Variants in HEMK2 observed in about 807,000 individuals in gnomAD.
HEMK2 encodes HemK methyltransferase 2, ETF1 glutamine and histone H4 lysine, also known as methyltransferase HEMK2.
At chr21:28,684,636 G>A in the HEMK2 span, among the ~76,000 whole-genome samples, 2 of 152,180 alleles carry the variant, frequency 1.3e-5, no homozygotes, top group African/African-American at 2.4e-5. Flanking sequence ...CATCATTTGA[G>A]ATTACGGCAT....
At chr21:28,626,280 A>T in the HEMK2 span, among the ~76,000 whole-genome samples, 1 of 152,214 alleles carries the variant, frequency 6.6e-6, no homozygotes, top group Non-Finnish European at 1.5e-5. Context: ...TGTAAGTGTT[A>T]ACTAGGAACT....
the HEMK2 span, among the ~76,000 whole-genome samples, chr21:28,608,613 G>A: frequency 6.6e-6 from 1 of 152,186 alleles, no homozygotes; most frequent in Non-Finnish European, 1.5e-5. Flanking sequence ...CTGAGGAACT[G>A]TGAGTTGGCT....
chr21:28,820,225 G>A, the HEMK2 span, among the ~76,000 whole-genome samples: 1 of 152,100 alleles, frequency 6.6e-6, no homozygotes. Context: ...AAAGACCAGA[G>A]AGACCCATAA....
the HEMK2 span, among the ~76,000 whole-genome samples, chr21:28,684,346 C>G: frequency 6.6e-6 from 1 of 152,206 alleles, no homozygotes; most frequent in Non-Finnish European, 1.5e-5. Flanking sequence ...TTTCACTGGA[C>G]CAATTCATCC....
chr21:28,828,035 T>A, the HEMK2 span, among the ~76,000 whole-genome samples: 1 of 152,216 alleles, frequency 6.6e-6, no homozygotes, highest in Non-Finnish European at 1.5e-5. Context: ...ACTTACCCCT[T>A]GTAGCTTAGG....
the HEMK2 span, among the ~76,000 whole-genome samples, chr21:28,778,277 T>C: frequency 3.3e-5 from 5 of 152,370 alleles, no homozygotes; most frequent in South Asian, 1.0e-3. Flanking sequence ...TTCATCCAAG[T>C]TGTCGAATGT....
chr21:28,675,975 G>A, the HEMK2 span, among the ~76,000 whole-genome samples: 1 of 152,158 alleles, frequency 6.6e-6, no homozygotes. Context: ...GCATTACCCT[G>A]CCCCGTGGAA....
At chr21:28,787,171 T>C in the HEMK2 span, among the ~76,000 whole-genome samples, 1 of 152,190 alleles carries the variant, frequency 6.6e-6, no homozygotes, top group Non-Finnish European at 1.5e-5. Context: ...TGTAGGAGAA[T>C]GAAACTTGAT....
chr21:28,811,658 C>T, the HEMK2 span, among the ~76,000 whole-genome samples: 306 of 152,312 alleles, frequency 2.0e-3, 4 homozygotes, highest in African/African-American at 7.0e-3. Flanking sequence ...ACCCTTTGAA[C>T]GTACCAGCTT....
the HEMK2 span, among the ~76,000 whole-genome samples, chr21:28,871,046 A>G: frequency 1.3e-5 from 2 of 152,214 alleles, no homozygotes; most frequent in African/African-American, 4.8e-5. Context: ...TGAGACAGAC[A>G]ATTTGAAATC....
the HEMK2 span, among the ~76,000 whole-genome samples, chr21:28,576,215 T>C: frequency 2.6e-5 from 4 of 152,232 alleles, no homozygotes; most frequent in Non-Finnish European, 5.9e-5. Context: ...CCAGCATATA[T>C]GAGTTCCAGT....
the HEMK2 span, among the ~76,000 whole-genome samples, chr21:28,598,461 A>AT: frequency 6.6e-6 from 1 of 152,214 alleles, no homozygotes; most frequent in Non-Finnish European, 1.5e-5. Context: ...GGTTGGCAAC[A>AT]CATCACATAT....
chr21:28,676,597 G>T, the HEMK2 span, among the ~76,000 whole-genome samples: 1 of 152,188 alleles, frequency 6.6e-6, no homozygotes, highest in Non-Finnish European at 1.5e-5. Flanking sequence ...CACACTGGGA[G>T]GAGCATGCAC....
At chr21:28,665,334 C>CTTTTTTTTTTTT in the HEMK2 span, among the ~76,000 whole-genome samples, 5 of 36,680 alleles carry the variant, frequency 1.4e-4, no homozygotes, top group African/African-American at 2.6e-4. Context: ...ATTTATATTT[C>CTTTTTTTTTTTT]TTTTTTTTTT....
At chr21:28,790,635 T>C in the HEMK2 span, among the ~76,000 whole-genome samples, 12,460 of 152,042 alleles carry the variant, frequency 0.082, 1,165 homozygotes, top group African/African-American at 0.22. Context: ...AGTCACTGAA[T>C]GAATAAATAC....
chr21:28,813,413 C>T, the HEMK2 span, among the ~76,000 whole-genome samples: 1 of 151,940 alleles, frequency 6.6e-6, no homozygotes, highest in African/African-American at 2.4e-5. Flanking sequence ...AACCAATGCT[C>T]AAGGAAGTAA....
the HEMK2 span, among the ~76,000 whole-genome samples, chr21:28,795,516 C>T: frequency 2.6e-5 from 4 of 152,182 alleles, no homozygotes; most frequent in Non-Finnish European, 5.9e-5. Flanking sequence ...TCTTTATCTG[C>T]AATACCTACC....
the HEMK2 span, among the ~76,000 whole-genome samples, chr21:28,818,103 A>C: frequency 2.6e-5 from 4 of 152,120 alleles, no homozygotes; most frequent in Non-Finnish European, 4.4e-5. Context: ...GACTTGGGAA[A>C]GGGAGATCCA....
the HEMK2 span, among the ~76,000 whole-genome samples, chr21:28,689,813 AAGG>A: frequency 6.6e-6 from 1 of 152,204 alleles, no homozygotes; most frequent in East Asian, 1.9e-4. Context: ...GTTGCAATAG[AAGG>A]AGAACTCTGA....
Sources: gnomAD v4.1 joint callset for allele counts (sites outside exome capture counted in the v4.1 genomes callset) on GRCh38, gnomAD v4.1.1 for gene constraint, MANE v1.5 for transcripts, NCBI Gene and HGNC (gene_info 2026-07-23, HGNC 2026-07-21) for gene names.